BMPR1B: variants seen among roughly 807,000 people sequenced by gnomAD.
The protein encoded by BMPR1B is bone morphogenetic protein receptor type 1B, also known as bone morphogenetic protein receptor type-1B.
A neutral mutation model predicts 59.1 loss-of-function variants in BMPR1B; 12 were observed. The observed-to-expected ratio is 0.20, with a 90% CI of 0.13 to 0.33. The LOEUF is 0.33. BMPR1B is among the 10% of genes least tolerant of loss of function. BMPR1B has a pLI of 1.00. For missense variants in BMPR1B, 550 were observed against 610.9 expected (o/e 0.90, Z 1.05); for synonymous variants, 237 against 207.3 (o/e 1.14, Z -1.23).
At chr4:94,802,880 T>C (rs1723462718) in intron 1 of BMPR1B, among the ~76,000 whole-genome samples, 1 of 152,124 alleles carries the variant, frequency 6.6e-6, no homozygotes, top group Non-Finnish European at 1.5e-5. Context: ...CTCTCAGTTA[T>C]CTCATGCTTT....
intron 1 of BMPR1B, among the ~76,000 whole-genome samples, chr4:94,862,233 C>T (rs956026970): frequency 5.9e-5 from 9 of 151,814 alleles, no homozygotes; most frequent in Middle Eastern, 3.4e-3. Flanking sequence ...TCACTGCAGT[C>T]GCATCTCCCA....
chr4:94,802,737 A>G (rs1229996584), intron 1 of BMPR1B, among the ~76,000 whole-genome samples: 1 of 152,154 alleles, frequency 6.6e-6, no homozygotes, highest in African/African-American at 2.4e-5. Flanking sequence ...ACTTTCTAAT[A>G]AGGCTCATTT....
At chr4:94,815,437 G>A (rs1201235685) in intron 1 of BMPR1B, among the ~76,000 whole-genome samples, 1 of 152,128 alleles carries the variant, frequency 6.6e-6, no homozygotes, top group African/African-American at 2.4e-5. Context: ...ATTTCTTGAA[G>A]TTAAAGTTTT....
intron 2 of BMPR1B, among the ~76,000 whole-genome samples, chr4:94,969,914 A>G (rs1201879578): frequency 6.6e-6 from 1 of 152,208 alleles, no homozygotes; most frequent in African/African-American, 2.4e-5. Flanking sequence ...ATTAATGATC[A>G]TAGTGTTTTG....
At chr4:94,790,709 A>T (rs996358402) in intron 1 of BMPR1B, among the ~76,000 whole-genome samples, 4 of 152,202 alleles carry the variant, frequency 2.6e-5, no homozygotes, top group Non-Finnish European at 5.9e-5. Flanking sequence ...TTTCTCTTTT[A>T]TCTTGGTAAC....
chr4:94,800,399 T>G (rs1723361264), intron 1 of BMPR1B, among the ~76,000 whole-genome samples: 1 of 152,140 alleles, frequency 6.6e-6, no homozygotes, highest in Non-Finnish European at 1.5e-5. Context: ...TAAGAATTAT[T>G]TAGATATTTA....
At chr4:94,925,249 T>C (rs149084141) in intron 2 of BMPR1B, among the ~76,000 whole-genome samples, 223 of 152,194 alleles carry the variant, frequency 1.5e-3, no homozygotes, top group Non-Finnish European at 2.4e-3. Context: ...GTTTCACAAT[T>C]TATGTTGACC....
chr4:94,817,468 G>C (rs142935006), intron 1 of BMPR1B, among the ~76,000 whole-genome samples: 7 of 152,070 alleles, frequency 4.6e-5, no homozygotes, highest in African/African-American at 1.7e-4. Flanking sequence ...TTCTGGCTCT[G>C]CTGTTTTCTA....
intron 1 of BMPR1B, among the ~76,000 whole-genome samples, chr4:94,807,964 A>AG (rs1213756887): frequency 3.3e-5 from 5 of 152,196 alleles, no homozygotes; most frequent in Non-Finnish European, 7.3e-5. Context: ...CTGGGATTAC[A>AG]GGGGTGAGCC....
rs574377261 is a variant in BMPR1B, at chr4:94,879,114, T to C, written c.-113+3214T>C. Among the ~76,000 whole-genome samples the C allele has an allele frequency of 3.9e-5, 6 of 152,322 alleles. No homozygotes were observed. In the East Asian group the frequency reaches 5.8e-4, roughly 15 times the overall value. On this transcript the variant is annotated intron_variant, in intron 2 of 12. Coordinates refer to ENST00000515059, the MANE Select transcript of BMPR1B (RefSeq NM_001203.3). ...GTGCTGCACCCATTAACTCGTCATT[T>C]AGCATTAGGTATATCTCCTATTATA... is the stretch of plus-strand genomic sequence containing the variant.
At chr4:94,761,765 A>G (rs1721782882) in intron 1 of BMPR1B, among the ~76,000 whole-genome samples, 1 of 152,178 alleles carries the variant, frequency 6.6e-6, no homozygotes, top group African/African-American at 2.4e-5. Flanking sequence ...TAAAGACAGA[A>G]GGAAAAACTG....
intron 3 of BMPR1B, among the ~76,000 whole-genome samples, chr4:95,031,661 C>T (rs762291362): frequency 2.6e-5 from 4 of 152,014 alleles, no homozygotes; most frequent in South Asian, 2.1e-4. Flanking sequence ...GTGACTGCAA[C>T]GTGGATCATG....
chr4:95,123,452 A>G (rs551897459), intron 6 of BMPR1B, among the ~76,000 whole-genome samples: 13 of 152,270 alleles, frequency 8.5e-5, no homozygotes, highest in Middle Eastern at 3.4e-3. Context: ...AGAAGAGCCT[A>G]TGAACCCATG....
At chr4:94,959,883 T>G (rs1218092370) in intron 2 of BMPR1B, among the ~76,000 whole-genome samples, 2 of 152,178 alleles carry the variant, frequency 1.3e-5, no homozygotes, top group African/African-American at 2.4e-5. Flanking sequence ...AGTAAAAAAT[T>G]AAAAGGTCAA....
chr4:95,081,462 A>T (rs1231601377), intron 3 of BMPR1B, among the ~76,000 whole-genome samples: 2 of 152,328 alleles, frequency 1.3e-5, no homozygotes, highest in East Asian at 3.9e-4. Context: ...ATTTATTGCC[A>T]ATGATAAAAC....
chr4:95,060,837 T>A (rs893593764), intron 3 of BMPR1B, among the ~76,000 whole-genome samples: 1 of 152,160 alleles, frequency 6.6e-6, no homozygotes, highest in African/African-American at 2.4e-5. Flanking sequence ...AAGTCATAAC[T>A]CTTTCCTGCT....
intron 1 of BMPR1B, among the ~76,000 whole-genome samples, chr4:94,871,080 G>A (rs1279898502): frequency 6.6e-6 from 1 of 152,054 alleles, no homozygotes; most frequent in Non-Finnish European, 1.5e-5. Flanking sequence ...TTGGAGGCAG[G>A]CATTATCCCA....
At chr4:94,770,916 G>T (rs1288937393) in intron 1 of BMPR1B, among the ~76,000 whole-genome samples, 1 of 142,926 alleles carries the variant, frequency 7.0e-6, no homozygotes, top group Non-Finnish European at 1.5e-5. Context: ...AAAATGAAAA[G>T]CTAGACCCCC....
intron 10 of BMPR1B, among the ~76,000 whole-genome samples, chr4:95,141,652 C>T (rs1734237642): frequency 6.6e-6 from 1 of 152,146 alleles, no homozygotes; most frequent in African/African-American, 2.4e-5. Flanking sequence ...GAGGAGAAAA[C>T]AATGACACAT....
Sources: allele counts gnomAD v4.1 joint callset (sites outside exome capture counted in the v4.1 genomes callset), GRCh38; gene constraint gnomAD v4.1.1; transcripts MANE v1.5; gene names NCBI Gene and HGNC (gene_info 2026-07-23, HGNC 2026-07-21).